RAD51B: variants seen among roughly 807,000 people sequenced by gnomAD.
RAD51B encodes RAD51 paralog B, also known as DNA repair protein RAD51 homolog 2.
In RAD51B, 38 loss-of-function variants were observed where a neutral mutation model predicts 42.2. The observed-to-expected ratio is 0.90, with a 90% CI of 0.70 to 1.18. The LOEUF is 1.18. Ranked by LOEUF, RAD51B falls within the 50% of genes most tolerant of loss-of-function variation. The pLI is 0.00. For synonymous variants in RAD51B, 154 were observed against 145.2 expected (o/e 1.06, Z -0.43); for missense variants, 373 against 400.7 (o/e 0.93, Z 0.59).
rs191291285 is a variant in RAD51B at position 68,496,607 on chromosome 14, G to T, written c.1036+28357G>T. ...GTCTGCCTGGCTTTTTCACTGAGCTGCTTATGCAGCAAGGCAGGGATGGGG... is the reference window on the plus strand; with the variant it reads ...GTCTGCCTGGCTTTTTCACTGAGCTTCTTATGCAGCAAGGCAGGGATGGGG... On this transcript the variant is annotated intron_variant, in intron 10 of 10. Transcript: ENST00000487270. Among the ~76,000 whole-genome samples, 7 of 152,360 alleles carry T rather than the reference G, an allele frequency of 4.6e-5. No individual in the cohort carries two copies. In the East Asian group the frequency reaches 1.3e-3, roughly 29 times the overall value.
intron 8 of RAD51B, among the ~76,000 whole-genome samples, chr14:68,331,376 A>AAAAAAAAAAAAAAAAAAAAAAAAC (rs2082347122): frequency 1.4e-5 from 2 of 147,354 alleles, no homozygotes; most frequent in African/African-American, 2.5e-5. Context: ...TCAAAAAAAA[A>AAAAAAAAAAAAAAAAAAAAAAAAC]AAAAAAAAAG....
chr14:68,575,452 C>G (rs907230185), intron 10 of RAD51B, among the ~76,000 whole-genome samples: 1 of 152,200 alleles, frequency 6.6e-6, no homozygotes, highest in African/African-American at 2.4e-5. Flanking sequence ...GGTTTGGGGT[C>G]TGGCTGATTT....
intron 7 of RAD51B, among the ~76,000 whole-genome samples, chr14:68,002,813 G>C (rs776986837): frequency 6.6e-6 from 1 of 152,132 alleles, no homozygotes; most frequent in Non-Finnish European, 1.5e-5. Flanking sequence ...GTTTTTGTCA[G>C]ATTTCTTGAA....
intron 9 of RAD51B, among the ~76,000 whole-genome samples, chr14:68,435,274 C>T (rs1019248895): frequency 2.6e-5 from 4 of 152,158 alleles, no homozygotes; most frequent in East Asian, 1.9e-4. Flanking sequence ...TGAGAACATG[C>T]GGTATTTGGT....
chr14:67,874,028 T>C (rs1156232695), intron 5 of RAD51B, among the ~76,000 whole-genome samples: 1 of 151,814 alleles, frequency 6.6e-6, no homozygotes, highest in African/African-American at 2.4e-5. Context: ...GCATGGCACA[T>C]GTATACATAT....
intron 7 of RAD51B, among the ~76,000 whole-genome samples, chr14:67,932,638 A>C (rs1434154542): frequency 6.6e-6 from 1 of 152,142 alleles, no homozygotes; most frequent in Admixed American, 6.6e-5. Context: ...GGGTAGTGGC[A>C]GCAGCAGTGA....
chr14:67,906,113 T>A (rs2043774476), intron 7 of RAD51B, among the ~76,000 whole-genome samples: 1 of 152,120 alleles, frequency 6.6e-6, no homozygotes, highest in African/African-American at 2.4e-5. Context: ...AAAAGGATGT[T>A]GAATTTTATT....
intron 11 of RAD51B, among the ~76,000 whole-genome samples, chr14:68,668,056 G>C (rs1022447470): frequency 6.6e-6 from 1 of 152,198 alleles, no homozygotes; most frequent in Non-Finnish European, 1.5e-5. Context: ...TCCTTGTGCT[G>C]TCCATGAAAG....
intron 10 of RAD51B, among the ~76,000 whole-genome samples, chr14:68,628,172 A>C (rs1595035987): frequency 1.3e-5 from 2 of 152,220 alleles, no homozygotes; most frequent in African/African-American, 4.8e-5. Flanking sequence ...CAGTCATTGA[A>C]AATTTGGGTT....
chr14:68,635,208 A>G (rs1331237392), intron 10 of RAD51B, among the ~76,000 whole-genome samples: 2 of 152,206 alleles, frequency 1.3e-5, no homozygotes, highest in African/African-American at 4.8e-5. Flanking sequence ...TGAGCCTAAC[A>G]GTCTCCTGCT....
At chr14:68,331,385 A>AAAAAAAAAAAAAAAAAAAAAAC (rs2082348143) in intron 8 of RAD51B, among the ~76,000 whole-genome samples, 1 of 147,268 alleles carries the variant, frequency 6.8e-6, no homozygotes, top group Non-Finnish European at 1.5e-5. Context: ...AAAAAAAAAA[A>AAAAAAAAAAAAAAAAAAAAAAC]GCAATGGTGT....
At chr14:68,641,254 A>G (rs1892453752) in intron 10 of RAD51B, among the ~76,000 whole-genome samples, 1 of 152,186 alleles carries the variant, frequency 6.6e-6, no homozygotes, top group Non-Finnish European at 1.5e-5. Flanking sequence ...TCAAATTCCA[A>G]TTGTTCACTG....
At chr14:68,152,478 ATGT>A (rs1211692683) in intron 7 of RAD51B, among the ~76,000 whole-genome samples, 1 of 152,082 alleles carries the variant, frequency 6.6e-6, no homozygotes, top group African/African-American at 2.4e-5. Flanking sequence ...GGGACTTTTC[ATGT>A]TGTTGTGGAT....
At chr14:68,372,310 A>G (rs987839744) in intron 8 of RAD51B, among the ~76,000 whole-genome samples, 6 of 152,184 alleles carry the variant, frequency 3.9e-5, no homozygotes, top group African/African-American at 1.4e-4. Flanking sequence ...TTCACTACAA[A>G]TGGAAACAGT....
At chr14:68,233,157 G>T (rs2080180193) in intron 7 of RAD51B, among the ~76,000 whole-genome samples, 1 of 152,184 alleles carries the variant, frequency 6.6e-6, no homozygotes, top group African/African-American at 2.4e-5. Context: ...TTAGACAGTA[G>T]AATTTCATTG....
At chr14:67,903,920 A>G (rs1397757659) in intron 7 of RAD51B, among the ~76,000 whole-genome samples, 1 of 152,148 alleles carries the variant, frequency 6.6e-6, no homozygotes, top group Non-Finnish European at 1.5e-5. Context: ...GCCACCCTCA[A>G]GTAGGCCCCC....
intron 3 of RAD51B, among the ~76,000 whole-genome samples, chr14:67,828,571 G>A (rs555885851): frequency 6.6e-6 from 1 of 152,040 alleles, no homozygotes; most frequent in East Asian, 1.9e-4. Context: ...TGTTCTGAAT[G>A]GTATTGCCTA....
chr14:67,993,913 G>A (rs1198923767), intron 7 of RAD51B, among the ~76,000 whole-genome samples: 1 of 152,008 alleles, frequency 6.6e-6, no homozygotes, highest in African/African-American at 2.4e-5. Flanking sequence ...GATTTTTAAC[G>A]CTGTATGCTA....
chr14:68,676,238 C>T (rs991577315), intron 11 of RAD51B, among the ~76,000 whole-genome samples: 1 of 152,118 alleles, frequency 6.6e-6, no homozygotes, highest in Non-Finnish European at 1.5e-5. Context: ...GACGAGGAAA[C>T]CTAGGCACAG....
Sources: allele counts gnomAD v4.1 joint callset (sites outside exome capture counted in the v4.1 genomes callset), GRCh38; gene constraint gnomAD v4.1.1; transcripts MANE v1.5; gene names NCBI Gene and HGNC (gene_info 2026-07-23, HGNC 2026-07-21).